FRMD3: variants seen among roughly 807,000 people sequenced by gnomAD.
FRMD3 encodes the protein FERM domain containing 3.
Under a neutral mutation model 70.2 loss-of-function variants are expected in FRMD3, and 33 were observed. That is an observed-to-expected ratio of 0.47 (90% CI 0.36 to 0.63). The LOEUF is 0.63. FRMD3 is among the 20% of genes least tolerant of loss of function. The pLI is 0.00. For missense variants in FRMD3, 632 were observed against 711.4 expected (o/e 0.89, Z 1.27); for synonymous variants, 279 against 255.9 (o/e 1.09, Z -0.86).
chr9:83,273,609 T>TAAA (rs899879607), intron 13 of FRMD3, among the ~76,000 whole-genome samples: 1 of 71,328 alleles, frequency 1.4e-5, no homozygotes, highest in Non-Finnish European at 2.8e-5. Context: ...CAATAAATAC[T>TAAA]AAAAAAAAAA....
intron 1 of FRMD3, among the ~76,000 whole-genome samples, chr9:83,490,752 T>A (rs992134109): frequency 4.7e-5 from 7 of 149,264 alleles, no homozygotes; most frequent in Admixed American, 2.7e-4. Context: ...AAAATCCAGT[T>A]TTTTACTCTC....
chr9:83,249,877 T>C (rs1204927186), intron 13 of FRMD3, among the ~76,000 whole-genome samples: 1 of 152,116 alleles, frequency 6.6e-6, no homozygotes, highest in Admixed American at 6.5e-5. Context: ...CTGGCCATTG[T>C]GAGAAAAAAA....
intron 10 of FRMD3, among the ~76,000 whole-genome samples, chr9:83,301,867 A>G (rs1587699342): frequency 6.6e-6 from 1 of 152,400 alleles, no homozygotes; most frequent in East Asian, 1.9e-4. Flanking sequence ...CAGGATGAGC[A>G]GAGAGAAAAG....
At chr9:83,523,153 A>AGGATGGATGGATGGAT (rs144992070) in intron 1 of FRMD3, among the ~76,000 whole-genome samples, 1 of 149,584 alleles carries the variant, frequency 6.7e-6, no homozygotes, top group African/African-American at 2.5e-5. Flanking sequence ...GAATGGATGG[A>AGGATGGATGGATGGAT]GGATGGATGG....
intron 13 of FRMD3, among the ~76,000 whole-genome samples, chr9:83,289,032 T>A (rs1204205781): frequency 6.6e-6 from 1 of 152,214 alleles, no homozygotes; most frequent in Non-Finnish European, 1.5e-5. Flanking sequence ...GTCCCTTCTC[T>A]TTTCTTCTCT....
intron 12 of FRMD3, among the ~76,000 whole-genome samples, chr9:83,294,966 CT>C (rs1009648492): frequency 4.6e-5 from 7 of 152,174 alleles, no homozygotes; most frequent in African/African-American, 1.7e-4. Flanking sequence ...CCTGAGGTCC[CT>C]CCAGGCCAGG....
intron 3 of FRMD3, among the ~76,000 whole-genome samples, chr9:83,370,194 G>A (rs1272401660): frequency 6.6e-6 from 1 of 152,216 alleles, no homozygotes; most frequent in Admixed American, 6.5e-5. Context: ...GGGGCTCTGT[G>A]ACCAGACTCT....
intron 3 of FRMD3, among the ~76,000 whole-genome samples, chr9:83,351,918 G>A (rs10119376): frequency 0.11 from 16,221 of 152,110 alleles, 882 homozygotes; most frequent in East Asian, 0.15. Flanking sequence ...TTATATATGT[G>A]GAGAGATTTT....
intron 3 of FRMD3, among the ~76,000 whole-genome samples, chr9:83,360,059 G>C (rs1342678175): frequency 6.6e-6 from 1 of 152,198 alleles, no homozygotes; most frequent in African/African-American, 2.4e-5. Context: ...GCATGAGACA[G>C]GTGTGTATAT....
chr9:83,414,905 A>T (rs567845422), intron 1 of FRMD3, among the ~76,000 whole-genome samples: 1 of 152,226 alleles, frequency 6.6e-6, no homozygotes, highest in Admixed American at 6.5e-5. Flanking sequence ...ATAATTCAAG[A>T]AAGTTTTCTT....
intron 10 of FRMD3, 100 bp downstream of exon 10, chr9:83,309,436 A>G: frequency 3.0e-6 from 2 of 677,794 alleles, no homozygotes; most frequent in Non-Finnish European, 5.0e-6. Flanking sequence ...ATAACTTTTA[A>G]AACTGTATTA....
At chr9:83,481,093 T>C (rs1000513031) in intron 1 of FRMD3, among the ~76,000 whole-genome samples, 1 of 152,220 alleles carries the variant, frequency 6.6e-6, no homozygotes, top group Non-Finnish European at 1.5e-5. Flanking sequence ...CTCTGAATTA[T>C]CTGAATCCAG....
chr9:83,446,503 C>T (rs1320025770), intron 1 of FRMD3, among the ~76,000 whole-genome samples: 2 of 151,982 alleles, frequency 1.3e-5, no homozygotes, highest in Middle Eastern at 3.4e-3. Flanking sequence ...AAAAATTAGC[C>T]GGGCGCGGTG....
rs951896021 is a variant in FRMD3 at position 83,537,067 on chromosome 9, A to G, written c.147+1018T>C. The stretch of plus-strand genomic sequence containing the variant: ...GTTAATTGTGCTGAGCCCTGACACA[A>G]CCTTTCCTGATTGTGTGCGCACCGA... On this transcript the variant is annotated intron_variant, in intron 1 of 13. Transcript: ENST00000304195. The surrounding 1 kb of genome is among the most constrained non-coding windows in gnomAD (Gnocchi z 4.1). 1.3e-5 allele frequency among the ~76,000 whole-genome samples: 2 copies of G among 151,952 alleles called. No homozygotes were observed. The highest frequency in any genetic ancestry group is 2.4e-5 in the African/African-American group (1 of 41,370).
intron 6 of FRMD3, among the ~76,000 whole-genome samples, chr9:83,321,514 G>C (rs534344244): frequency 6.6e-6 from 1 of 152,202 alleles, no homozygotes; most frequent in South Asian, 2.1e-4. Flanking sequence ...GTGATTTCTA[G>C]CTTTATTCTG....
Position 83,248,225 on chromosome 9 carries a change from G to T in FRMD3, c.1487C>A (p.Ala496Asp). 6.2e-7 allele frequency: 1 copy of T among 1,614,142 alleles called. No homozygotes were observed. The highest frequency in any genetic ancestry group is 8.5e-7 in the Non-Finnish European group (1 of 1,180,026). ...AGCCTCCTTCAGCTCCTCTTCTTCAGCAATCAAAAAGGCGTTTTCATCTGC... is the reference window on the plus strand; with the variant it reads ...AGCCTCCTTCAGCTCCTCTTCTTCATCAATCAAAAAGGCGTTTTCATCTGC... Reference protein sequence around the residue: ...LEADENAFLIAEEEELKEARR... With the variant: ...LEADENAFLIDEEEELKEARR... Residue 496 changes from alanine (A) to aspartate (D), a missense_variant, in exon 14 of 14, where the codon GCT becomes GAT. Physicochemically the swap from Ala to Asp is moderately radical, Grantham distance 126. Coordinates refer to ENST00000304195, the MANE Select transcript of FRMD3 (RefSeq NM_174938.6).
chr9:83,372,998 G>C, intron 2 of FRMD3, 43 bp from the exon 3 acceptor site: 1 of 1,530,756 alleles, frequency 6.5e-7, no homozygotes, highest in Non-Finnish European at 9.0e-7. Context: ...GGGTCAAATT[G>C]CTGGACCATA....
chr9:83,356,992 T>C (rs900020094), intron 3 of FRMD3, among the ~76,000 whole-genome samples: 1 of 151,400 alleles, frequency 6.6e-6, no homozygotes, highest in Non-Finnish European at 1.5e-5. Flanking sequence ...TAACATGCGA[T>C]GTTTGGTTTT....
At chr9:83,359,073 C>G (rs569869652) in intron 3 of FRMD3, among the ~76,000 whole-genome samples, 3 of 152,270 alleles carry the variant, frequency 2.0e-5, no homozygotes, top group Non-Finnish European at 1.5e-5. Flanking sequence ...AGTGATGATC[C>G]TTCCCCCACT....
Sources: allele counts gnomAD v4.1 joint callset (sites outside exome capture counted in the v4.1 genomes callset), GRCh38; gene constraint gnomAD v4.1.1; non-coding constraint Gnocchi (gnomAD v3.1); transcripts MANE v1.5; gene names NCBI Gene and HGNC (gene_info 2026-07-23, HGNC 2026-07-21).